Variants in RANBP17 observed in about 807,000 individuals in gnomAD.
The protein encoded by RANBP17 is ran-binding protein 17.
Under a neutral mutation model 141.2 loss-of-function variants are expected in RANBP17, and 158 were observed. That is an observed-to-expected ratio of 1.12 (90% confidence interval 0.98 to 1.28). RANBP17 has a LOEUF of 1.28. RANBP17 is among the 50% of genes most tolerant of loss of function. RANBP17 has a pLI of 0.00. For missense variants in RANBP17, 1,438 were observed against 1,290.7 expected (o/e 1.11, Z -1.75); for synonymous variants, 430 against 450.0 (o/e 0.96, Z 0.56).
chr5:170,873,635 G>C (rs560119529), intron 1 of RANBP17, among the ~76,000 whole-genome samples: 1 of 152,316 alleles, frequency 6.6e-6, no homozygotes, highest in South Asian at 2.1e-4. Flanking sequence ...TTGCATAAAA[G>C]TGTTTATAGT....
intron 24 of RANBP17, among the ~76,000 whole-genome samples, chr5:171,258,116 A>T (rs1254450184): frequency 4.0e-5 from 4 of 98,944 alleles, no homozygotes; most frequent in South Asian, 6.7e-4. Flanking sequence ...AAAAAAAAAA[A>T]ATACACACAC....
At chr5:171,055,862 C>T (rs1413982608) in intron 14 of RANBP17, among the ~76,000 whole-genome samples, 1 of 121,166 alleles carries the variant, frequency 8.3e-6, no homozygotes, top group Non-Finnish European at 1.6e-5. Flanking sequence ...ACCAGTTTCT[C>T]CAGTTGTGTC....
chr5:170,927,652 T>C (rs1179569146), intron 12 of RANBP17, among the ~76,000 whole-genome samples: 1 of 152,068 alleles, frequency 6.6e-6, no homozygotes, highest in African/African-American at 2.4e-5. Flanking sequence ...TGCAAATATC[T>C]TTTTCCTTTT....
intron 24 of RANBP17, among the ~76,000 whole-genome samples, chr5:171,259,718 C>T (rs1191864464): frequency 7.2e-5 from 11 of 152,214 alleles, no homozygotes; most frequent in South Asian, 2.1e-4. Context: ...TGGTGGCTCA[C>T]GCCCGTAATC....
intron 14 of RANBP17, among the ~76,000 whole-genome samples, chr5:171,068,545 A>G (rs560995852): frequency 6.6e-6 from 1 of 150,876 alleles, no homozygotes; most frequent in East Asian, 2.0e-4. Context: ...TTTCCTCCCC[A>G]GGGAACACTG....
At chr5:171,129,829 T>C (rs1393408767) in intron 14 of RANBP17, among the ~76,000 whole-genome samples, 2 of 152,220 alleles carry the variant, frequency 1.3e-5, no homozygotes, top group South Asian at 2.1e-4. Context: ...AGTTTCTCTG[T>C]TACGATGTGC....
At chr5:171,025,406 C>T (rs1458345641) in intron 14 of RANBP17, among the ~76,000 whole-genome samples, 1 of 152,124 alleles carries the variant, frequency 6.6e-6, no homozygotes, top group Non-Finnish European at 1.5e-5. Flanking sequence ...TTCCTCAATT[C>T]TCCAAATGTT....
chr5:170,984,986 C>A (rs1778028046), intron 14 of RANBP17, among the ~76,000 whole-genome samples: 1 of 151,728 alleles, frequency 6.6e-6, no homozygotes, highest in Non-Finnish European at 1.5e-5. Flanking sequence ...CACAAAGACA[C>A]ACACATATAC....
In RANBP17 at chr5:170,949,643, C is replaced by T. The variant is rs1009935752; in HGVS notation, c.1469-3954C>T. 3.3e-5 allele frequency among the ~76,000 whole-genome samples: 5 copies of T among 152,096 alleles called. 1 individual carries two copies. Among genetic ancestry groups the T allele is most frequent in the Middle Eastern group, 6.3e-3 (2 of 316 alleles). ...TGGTGGGAATGTAGAATGGTGCAGC[C>T]GCTTTTGCAAACATTATGGCAGTTC... On this transcript the variant is annotated intron_variant, in intron 12 of 27. Coordinates refer to ENST00000523189, the MANE Select transcript of RANBP17 (RefSeq NM_022897.5).
intron 25 of RANBP17, among the ~76,000 whole-genome samples, chr5:171,276,305 G>A (rs1227585612): frequency 6.6e-6 from 1 of 152,118 alleles, no homozygotes; most frequent in Non-Finnish European, 1.5e-5. Context: ...TAAATAGAAA[G>A]CATTTCAGGG....
At chr5:171,162,977 C>G (rs749479999) in intron 14 of RANBP17, among the ~76,000 whole-genome samples, 4 of 152,182 alleles carry the variant, frequency 2.6e-5, no homozygotes, top group Non-Finnish European at 5.9e-5. Flanking sequence ...AGATGGCCAC[C>G]ACAGATGGTG....
Position 171,046,621 on chromosome 5 carries a change from G to A in RANBP17, c.1710+78244G>A, listed in dbSNP as rs80218944. Among the ~76,000 whole-genome samples, 726 of 152,172 alleles carry A rather than the reference G, an allele frequency of 4.8e-3. 29 individuals are homozygous for A. The East Asian group carries it at 0.11, about 23-fold the overall frequency. ...TTTTTAAATTATCTTCAGTGCTACA[G>A]TAAACATGCTTATACAGCATATGAT... is the stretch of plus-strand genomic sequence containing the variant. On this transcript the variant is annotated intron_variant, in intron 14 of 27. Transcript: ENST00000523189.
intron 14 of RANBP17, among the ~76,000 whole-genome samples, chr5:171,103,966 G>T (rs1445604086): frequency 6.6e-6 from 1 of 152,228 alleles, no homozygotes; most frequent in East Asian, 1.9e-4. Context: ...AGATGAGCCA[G>T]GTACCTCAGC....
rs141751409 is a variant in RANBP17, at chr5:170,965,719, C to T, written c.1575-2523C>T. 8.1e-4 allele frequency among the ~76,000 whole-genome samples: 124 copies of T among 152,152 alleles called. 3 individuals carry two copies. In the East Asian group the frequency reaches 0.023, roughly 28 times the overall value. The stretch of plus-strand genomic sequence containing the variant: ...AGATCAGATAGTTGTAGATATGCAG[C>T]GTTATTTCTGAGGGCTCTGTTCTGT... On this transcript the variant is annotated intron_variant, in intron 13 of 27. Coordinates refer to ENST00000523189, the MANE Select transcript of RANBP17 (RefSeq NM_022897.5).
At chr5:170,985,578 G>A (rs550812696) in intron 14 of RANBP17, among the ~76,000 whole-genome samples, 19 of 152,268 alleles carry the variant, frequency 1.2e-4, no homozygotes, top group Middle Eastern at 6.8e-3. Flanking sequence ...ACCAAAGGGT[G>A]AAATCCCTTG....
At chr5:170,894,081 C>T (rs11134663) in intron 4 of RANBP17, among the ~76,000 whole-genome samples, 91,487 of 151,938 alleles carry the variant, frequency 0.6, 29,270 homozygotes, top group South Asian at 0.9. Flanking sequence ...ATTTAGAACT[C>T]CACAGGAATA....
intron 24 of RANBP17, among the ~76,000 whole-genome samples, chr5:171,255,809 C>T (rs1415793102): frequency 6.6e-6 from 1 of 152,074 alleles, no homozygotes. Flanking sequence ...TGGCTGATTG[C>T]TGTGTAACTA....
intron 22 of RANBP17, among the ~76,000 whole-genome samples, chr5:171,225,765 G>A (rs908665063): frequency 1.3e-5 from 2 of 152,200 alleles, no homozygotes; most frequent in African/African-American, 4.8e-5. Context: ...CAACTGACTT[G>A]TTATGTATTT....
At chr5:171,000,875 A>C (rs1779157607) in intron 14 of RANBP17, among the ~76,000 whole-genome samples, 1 of 152,180 alleles carries the variant, frequency 6.6e-6, no homozygotes, top group African/African-American at 2.4e-5. Flanking sequence ...TACAAAGTAC[A>C]TTCATCAGTT....
Sources: allele counts gnomAD v4.1 joint callset (sites outside exome capture counted in the v4.1 genomes callset), GRCh38; gene constraint gnomAD v4.1.1; transcripts MANE v1.5; gene names NCBI Gene and HGNC (gene_info 2026-07-23, HGNC 2026-07-21).